Variants in UTRN observed in about 807,000 individuals in gnomAD.
The protein encoded by UTRN is utrophin, also known as dystrophin-related protein 1.
Under a neutral mutation model 463.9 loss-of-function variants are expected in UTRN, and 283 were observed. The observed-to-expected ratio is 0.61, with a 90% confidence interval of 0.55 to 0.67. UTRN has a LOEUF of 0.67. Among genes scored for constraint, UTRN ranks in the 30% least tolerant of loss-of-function variants. UTRN has a pLI of 0.00. For missense variants in UTRN, 3,922 were observed against 4,084.3 expected (o/e 0.96, Z 1.08); for synonymous variants, 1,442 against 1,431.5 (o/e 1.01, Z -0.17).
At chr6:144,289,743 G>A (rs567409929) in intron 1 of UTRN, among the ~76,000 whole-genome samples, 1 of 152,240 alleles carries the variant, frequency 6.6e-6, no homozygotes, top group Non-Finnish European at 1.5e-5. Flanking sequence ...CCGCCTCCTG[G>A]ATTCAAGTGA....
intron 56 of UTRN, 44 bp from the exon 57 acceptor site, chr6:144,754,676 C>T (rs369846606): frequency 1.0e-4 from 166 of 1,584,500 alleles, no homozygotes; most frequent in African/African-American, 4.6e-4. Flanking sequence ...GTTATTGTTT[C>T]GGAATCAAAT....
In UTRN at chr6:144,560,397, A is replaced by G. The variant is rs572263755; in HGVS notation, c.7289+3086A>G. Among the ~76,000 whole-genome samples the G allele has an allele frequency of 3.3e-5, 5 of 151,582 alleles. No individual in the cohort carries two copies. The East Asian group carries it at 5.8e-4, about 18-fold the overall frequency. On this transcript the variant is annotated intron_variant, in intron 50 of 74. Transcript: ENST00000367545. ...TATCTGTGTTGAGTTTAGAAGCCAT[A>G]TCAGATGAAAGATACGGGGCCTTTT...
chr6:144,683,189 A>C (rs1782384347), intron 52 of UTRN, among the ~76,000 whole-genome samples: 1 of 152,186 alleles, frequency 6.6e-6, no homozygotes, highest in African/African-American at 2.4e-5. Context: ...AGGCAGAATC[A>C]CCAGCAGTCA....
At chr6:144,294,503 G>A (rs1254278074) in intron 2 of UTRN, among the ~76,000 whole-genome samples, 1 of 152,048 alleles carries the variant, frequency 6.6e-6, no homozygotes, top group Non-Finnish European at 1.5e-5. Context: ...TCTACATGCT[G>A]TATGCCAAAT....
At chr6:144,509,879 G>A (rs1266854246) in intron 34 of UTRN, among the ~76,000 whole-genome samples, 1 of 151,948 alleles carries the variant, frequency 6.6e-6, no homozygotes, top group Non-Finnish European at 1.5e-5. Context: ...TGCTATTCTA[G>A]TCAATCAGTA....
At chr6:144,714,912 G>C (rs911885063) in intron 53 of UTRN, among the ~76,000 whole-genome samples, 4 of 151,112 alleles carry the variant, frequency 2.6e-5, no homozygotes, top group African/African-American at 9.9e-5. Context: ...GCACTCTCCT[G>C]ATGTTTTTCT....
At chr6:144,658,945 T>A (rs903782990) in intron 51 of UTRN, among the ~76,000 whole-genome samples, 2 of 152,210 alleles carry the variant, frequency 1.3e-5, no homozygotes, top group African/African-American at 4.8e-5. Context: ...AGTACAGTAG[T>A]TTCTCTCATT....
At position 144,499,265 on chromosome 6, in the gene UTRN, A is replaced by G. The variant is rs758426938; in HGVS notation, c.4602A>G (p.Glu1534=). The change falls in exon 34 of 75, where the codon GAA becomes GAG. Residue 1534 remains glutamate (E), a synonymous_variant. Transcript: ENST00000367545. ...GCCTCTCTCCGTCTCAGGTGACAGA[A>G]GGAAAACAGGATCTGGAAAGAGCAT... ...LYNDLGAQVT[E]GKQDLERASQ... 1.2e-6 allele frequency: 2 copies of G among 1,611,734 alleles called. No homozygotes were observed. The highest frequency in any genetic ancestry group is 3.3e-5 in the Admixed American group (2 of 59,950).
intron 60 of UTRN, among the ~76,000 whole-genome samples, chr6:144,777,997 TA>T (rs1775484721): frequency 6.6e-6 from 1 of 152,196 alleles, no homozygotes; most frequent in African/African-American, 2.4e-5. Flanking sequence ...CTCAAGTTCT[TA>T]TTGTGTTGTA....
intron 65 of UTRN, among the ~76,000 whole-genome samples, chr6:144,811,213 A>G (rs193078780): frequency 2.0e-5 from 3 of 152,282 alleles, no homozygotes; most frequent in African/African-American, 7.2e-5. Flanking sequence ...GTTTTGATCA[A>G]TCCTTTCCAC....
intron 9 of UTRN, among the ~76,000 whole-genome samples, chr6:144,430,289 A>T (rs900085537): frequency 6.6e-6 from 1 of 152,138 alleles, no homozygotes; most frequent in African/African-American, 2.4e-5. Flanking sequence ...GATATAAATG[A>T]ATTTTTAAAG....
At chr6:144,795,858 G>A (rs935603973) in intron 63 of UTRN, among the ~76,000 whole-genome samples, 1 of 151,802 alleles carries the variant, frequency 6.6e-6, no homozygotes, top group Admixed American at 6.6e-5. Flanking sequence ...TTTTGTTGTT[G>A]TTTTGTTTTT....
chr6:144,810,191 C>G (rs1427973799), intron 65 of UTRN, among the ~76,000 whole-genome samples: 1 of 152,074 alleles, frequency 6.6e-6, no homozygotes, highest in Non-Finnish European at 1.5e-5. Context: ...AAATAAGGGT[C>G]TTATGACCCT....
intron 51 of UTRN, among the ~76,000 whole-genome samples, chr6:144,605,142 C>T (rs1804704153): frequency 6.6e-6 from 1 of 152,050 alleles, no homozygotes; most frequent in Non-Finnish European, 1.5e-5. Context: ...TGGTCATTAC[C>T]CCTTGGATCT....
At chr6:144,746,104 G>A (rs993631042) in intron 54 of UTRN, among the ~76,000 whole-genome samples, 3 of 151,304 alleles carry the variant, frequency 2.0e-5, no homozygotes, top group South Asian at 2.1e-4. Context: ...GGGGTCAAGC[G>A]ATTCTTCTGC....
chr6:144,690,715 G>A (rs6938391), intron 52 of UTRN, among the ~76,000 whole-genome samples: 8,000 of 152,188 alleles, frequency 0.053, 312 homozygotes, highest in African/African-American at 0.11. Context: ...AGCACATCCC[G>A]ATGTGGTTCC....
At chr6:144,386,013 A>G (rs957090653) in intron 2 of UTRN, among the ~76,000 whole-genome samples, 2 of 152,090 alleles carry the variant, frequency 1.3e-5, no homozygotes, top group Non-Finnish European at 2.9e-5. Flanking sequence ...CCGGCCCAGA[A>G]CCCTAATTTT....
chr6:144,630,598 G>T (rs543899842), intron 51 of UTRN, among the ~76,000 whole-genome samples: 1 of 152,182 alleles, frequency 6.6e-6, no homozygotes, highest in African/African-American at 2.4e-5. Flanking sequence ...CCCACAATAC[G>T]TGGGGATTAT....
rs114003298 is a variant in UTRN, at chr6:144,436,030, G to T, written c.951G>T (p.Ala317=). 16 of 1,614,234 alleles carry T rather than the reference G, an allele frequency of 9.9e-6. 1 individual carries two copies. In the Admixed American group the frequency reaches 2.3e-4, roughly 24 times the overall value. Residue 317 remains alanine (A), a synonymous_variant, in exon 10 of 75, where the codon GCG becomes GCT. Transcript: ENST00000367545. ...TGGATCTGGACAGCTATCAGATTGC[G>T]TTGGAGGAAGTGCTGACCTGGTTGC... is the stretch of plus-strand genomic sequence containing the variant. ...VDMDLDSYQI[A]LEEVLTWLLS...
Sources: allele counts gnomAD v4.1 joint callset (sites outside exome capture counted in the v4.1 genomes callset), GRCh38; gene constraint gnomAD v4.1.1; transcripts MANE v1.5; gene names NCBI Gene and HGNC (gene_info 2026-07-23, HGNC 2026-07-21).